Variants in TENM4 observed in about 807,000 individuals in gnomAD.
TENM4 encodes teneurin-4.
Under a neutral mutation model 243.3 loss-of-function variants are expected in TENM4, and 82 were observed. The ratio of observed to expected loss-of-function variants is 0.34; its 90% CI spans 0.28 to 0.40. The LOEUF is 0.40. Among genes scored for constraint, TENM4 ranks in the 10% least tolerant of loss-of-function variants. The probability of loss-of-function intolerance (pLI) is 1.00; values close to 1 mark genes in which losing one functional copy is unlikely to be tolerated. For synonymous variants in TENM4, 1,412 were observed against 1,456.3 expected (o/e 0.97, Z 0.69); for missense variants, 3,138 against 3,673.3 (o/e 0.85, Z 3.77).
At chr11:79,166,382 A>C (rs1862914192) in intron 3 of TENM4, among the ~76,000 whole-genome samples, 1 of 152,164 alleles carries the variant, frequency 6.6e-6, no homozygotes, top group African/African-American at 2.4e-5. Context: ...ATCATTTCCC[A>C]ATGCCCATTT....
At chr11:79,424,731 G>A (rs971104168) in intron 1 of TENM4, among the ~76,000 whole-genome samples, 2 of 152,046 alleles carry the variant, frequency 1.3e-5, no homozygotes, top group African/African-American at 2.4e-5. Flanking sequence ...TCAGGATATC[G>A]AGACCACCCT....
At chr11:79,198,185 G>C (rs1863671498) in intron 3 of TENM4, among the ~76,000 whole-genome samples, 1 of 152,208 alleles carries the variant, frequency 6.6e-6, no homozygotes, top group Admixed American at 6.5e-5. Flanking sequence ...TAGTTTCTGT[G>C]AGGACAGCCT....
At chr11:78,940,046 A>T (rs1856857689) in intron 6 of TENM4, among the ~76,000 whole-genome samples, 1 of 152,198 alleles carries the variant, frequency 6.6e-6, no homozygotes, top group African/African-American at 2.4e-5. Context: ...CAAAGGAAAA[A>T]AAACAAAACC....
intron 3 of TENM4, among the ~76,000 whole-genome samples, chr11:79,205,582 A>G (rs897528920): frequency 6.6e-6 from 1 of 152,208 alleles, no homozygotes; most frequent in Non-Finnish European, 1.5e-5. Context: ...AGTTTCTGAG[A>G]TAGTTTTATT....
At chr11:79,394,313 C>T (rs950000684) in intron 1 of TENM4, among the ~76,000 whole-genome samples, 10 of 152,124 alleles carry the variant, frequency 6.6e-5, no homozygotes, top group African/African-American at 2.4e-4. Flanking sequence ...GGCATGCCTA[C>T]CCCCGCATCC....
intron 6 of TENM4, among the ~76,000 whole-genome samples, chr11:78,921,566 T>A (rs1591131039): frequency 6.6e-6 from 1 of 152,220 alleles, no homozygotes; most frequent in Non-Finnish European, 1.5e-5. Flanking sequence ...CTGTACAGCA[T>A]AGCGGGGCTG....
At chr11:78,993,857 G>A (rs1858103870) in intron 6 of TENM4, among the ~76,000 whole-genome samples, 1 of 152,098 alleles carries the variant, frequency 6.6e-6, no homozygotes, top group Admixed American at 6.5e-5. Flanking sequence ...TTTCTACTGA[G>A]TAATCTTTCT....
chr11:79,125,815 A>T (rs1861863603), intron 4 of TENM4, among the ~76,000 whole-genome samples: 1 of 152,008 alleles, frequency 6.6e-6, no homozygotes, highest in Non-Finnish European at 1.5e-5. Context: ...GCCACCCCCA[A>T]CACCCCTGTT....
chr11:79,076,572 C>T (rs962717000), intron 4 of TENM4, among the ~76,000 whole-genome samples: 33 of 152,132 alleles, frequency 2.2e-4, no homozygotes, highest in Admixed American at 1.3e-4. Flanking sequence ...TCCCACAACA[C>T]GTGGGAATTC....
intron 1 of TENM4, among the ~76,000 whole-genome samples, chr11:79,342,830 AG>A (rs1007151738): frequency 2.0e-4 from 31 of 152,162 alleles, no homozygotes; most frequent in African/African-American, 7.0e-4. Flanking sequence ...CATTACCTTC[AG>A]CAGTTCTCAG....
At chr11:78,795,592 G>C (rs1271237002) in intron 15 of TENM4, among the ~76,000 whole-genome samples, 1 of 152,066 alleles carries the variant, frequency 6.6e-6, no homozygotes, top group African/African-American at 2.4e-5. Context: ...AGGGGCTGAG[G>C]ATACGAGATT....
chr11:78,942,108 T>TAAA lies in TENM4; in HGVS notation c.494-38588_494-38586dup, dbSNP rs34713120. Among the ~76,000 whole-genome samples the TAAA allele has an allele frequency of 5.1e-3, 605 of 119,044 alleles. 12 individuals carry two copies. Among genetic ancestry groups the TAAA allele is most frequent in the Admixed American group, 0.027 (305 of 11,472 alleles). 78.1% of individuals were successfully genotyped at this position (119,044 alleles called of 152,430 possible). A position where few individuals can be genotyped will look rare whatever the true frequency, so the allele number is the denominator to read the frequency against. ...TTAACACTAATGATAGCTGATGAGC[T>TAAA]AAAAAAAAAAAAAAAAAATCACTTC... is the stretch of plus-strand genomic sequence containing the variant. On this transcript the variant is annotated intron_variant, in intron 6 of 33. Transcript: ENST00000278550.
chr11:78,826,564 C>T (rs896186346), intron 12 of TENM4, among the ~76,000 whole-genome samples: 1 of 152,230 alleles, frequency 6.6e-6, no homozygotes, highest in East Asian at 1.9e-4. Context: ...TCTAAGTGGA[C>T]TTCTGTCTCC....
intron 6 of TENM4, among the ~76,000 whole-genome samples, chr11:78,947,797 G>C (rs1857031843): frequency 6.6e-6 from 1 of 152,322 alleles, no homozygotes; most frequent in South Asian, 2.1e-4. Flanking sequence ...CTGCCAATGT[G>C]GTTCCCATTA....
chr11:79,133,513 C>T (rs1428650723), intron 4 of TENM4, among the ~76,000 whole-genome samples: 2 of 152,040 alleles, frequency 1.3e-5, no homozygotes, highest in African/African-American at 4.8e-5. Context: ...GAAGCCAGCA[C>T]CACCCTAACC....
chr11:79,047,581 G>A (rs1030588602), intron 6 of TENM4, among the ~76,000 whole-genome samples: 3 of 152,112 alleles, frequency 2.0e-5, no homozygotes, highest in East Asian at 1.9e-4. Context: ...AACACACTTC[G>A]GATTTGTCTC....
chr11:79,376,471 T>C (rs542404852), intron 1 of TENM4, among the ~76,000 whole-genome samples: 1 of 152,228 alleles, frequency 6.6e-6, no homozygotes, highest in Non-Finnish European at 1.5e-5. Flanking sequence ...TATCTTACAG[T>C]CTCAGTTTAA....
chr11:78,867,011 G>A (rs1478020552), intron 9 of TENM4, among the ~76,000 whole-genome samples: 2 of 152,174 alleles, frequency 1.3e-5, no homozygotes, highest in African/African-American at 4.8e-5. Flanking sequence ...CACGTGAGAT[G>A]TTTTGATAAC....
chr11:78,756,214 C>T (rs1486849853), intron 19 of TENM4: 2 of 157,344 alleles, frequency 1.3e-5, no homozygotes, highest in Non-Finnish European at 2.8e-5. Flanking sequence ...GGCCTAATCA[C>T]ACTGTAACTG....
Sources: allele counts gnomAD v4.1 joint callset (sites outside exome capture counted in the v4.1 genomes callset), GRCh38; gene constraint gnomAD v4.1.1; transcripts MANE v1.5; gene names NCBI Gene and HGNC (gene_info 2026-07-23, HGNC 2026-07-21).